The following PEBP4 variants were observed in gnomAD, a reference collection of about 807,000 sequenced individuals.
PEBP4 encodes phosphatidylethanolamine-binding protein 4.
PEBP4 carries 22 observed loss-of-function variants against 23.9 expected under a neutral mutation model. The observed-to-expected ratio is 0.92, with a 90% CI of 0.66 to 1.31. The LOEUF (loss-of-function observed/expected upper bound fraction) is 1.31, where lower values mean the gene tolerates loss of function less well. Among genes scored for constraint, PEBP4 ranks in the 40% most tolerant of loss-of-function variants. The pLI is 0.00. For missense variants in PEBP4, 324 were observed against 281.7 expected (o/e 1.15, Z -1.07); for synonymous variants, 112 against 99.3 (o/e 1.13, Z -0.76).
intron 4 of PEBP4, among the ~76,000 whole-genome samples, chr8:22,773,381 C>T (rs1457331035): frequency 6.6e-6 from 1 of 152,166 alleles, no homozygotes; most frequent in Non-Finnish European, 1.5e-5. Flanking sequence ...AGGCCACTTC[C>T]TGCAGGGCAC....
At chr8:22,904,591 G>A (rs903467653) in intron 3 of PEBP4, among the ~76,000 whole-genome samples, 1 of 152,078 alleles carries the variant, frequency 6.6e-6, no homozygotes, top group Non-Finnish European at 1.5e-5. Context: ...CAAGTGTAAA[G>A]GAGAAAATAA....
intron 4 of PEBP4, among the ~76,000 whole-genome samples, chr8:22,813,445 T>C (rs1354454219): frequency 2.6e-5 from 4 of 152,228 alleles, no homozygotes; most frequent in African/African-American, 9.6e-5. Context: ...AAAGTATTAA[T>C]ATACCATCTT....
intron 3 of PEBP4, among the ~76,000 whole-genome samples, chr8:22,818,482 G>A (rs998803652): frequency 6.6e-6 from 1 of 152,162 alleles, no homozygotes; most frequent in African/African-American, 2.4e-5. Flanking sequence ...GAGCACCATT[G>A]TGGCCAGGGA....
intron 1 of PEBP4, among the ~76,000 whole-genome samples, chr8:22,933,126 A>C (rs1308790787): frequency 6.6e-6 from 1 of 152,202 alleles, no homozygotes; most frequent in Non-Finnish European, 1.5e-5. Flanking sequence ...AAACTCAAAG[A>C]AGGAGAGCCA....
intron 2 of PEBP4, among the ~76,000 whole-genome samples, chr8:22,926,274 C>T (rs1452113941): frequency 2.0e-5 from 3 of 152,076 alleles, no homozygotes; most frequent in Admixed American, 1.3e-4. Context: ...CCGTGCCCAG[C>T]CTACACCCAG....
At chr8:22,908,741 G>A (rs1808869875) in intron 3 of PEBP4, among the ~76,000 whole-genome samples, 1 of 152,172 alleles carries the variant, frequency 6.6e-6, no homozygotes, top group Non-Finnish European at 1.5e-5. Context: ...CAGGAAGCCT[G>A]AGGGGAGGGG....
At chr8:22,821,635 CAAAAG>C (rs1282303885) in intron 3 of PEBP4, among the ~76,000 whole-genome samples, 3 of 151,952 alleles carry the variant, frequency 2.0e-5, no homozygotes, top group Non-Finnish European at 4.4e-5. Flanking sequence ...AGAGTGAAAA[CAAAAG>C]AAAGAGTGTG....
At chr8:22,772,440 T>C (rs1805734274) in intron 4 of PEBP4, among the ~76,000 whole-genome samples, 1 of 151,322 alleles carries the variant, frequency 6.6e-6, no homozygotes, top group South Asian at 2.1e-4. Flanking sequence ...TTTATTTAAT[T>C]AAATCCTCAC....
At chr8:22,718,580 C>A (rs975778715) in intron 6 of PEBP4, among the ~76,000 whole-genome samples, 9 of 152,200 alleles carry the variant, frequency 5.9e-5, no homozygotes, top group Admixed American at 3.9e-4. Context: ...ATGGCCCCAG[C>A]TGGGTGGCTG....
chr8:22,817,536 C>T (rs1806768819), intron 4 of PEBP4, 101 bp downstream of exon 4: 3 of 1,135,184 alleles, frequency 2.6e-6, no homozygotes, highest in East Asian at 2.4e-5. Flanking sequence ...CACAGAAGTC[C>T]TCGCTCCAAC....
At chr8:22,804,779 G>C (rs1295208365) in intron 4 of PEBP4, among the ~76,000 whole-genome samples, 2 of 152,036 alleles carry the variant, frequency 1.3e-5, no homozygotes, top group Admixed American at 1.3e-4. Context: ...CTAACAAACG[G>C]TTAGAACCTC....
At chr8:22,766,664 G>T (rs367675163) in intron 4 of PEBP4, among the ~76,000 whole-genome samples, 1 of 152,204 alleles carries the variant, frequency 6.6e-6, no homozygotes, top group Non-Finnish European at 1.5e-5. Context: ...GCATGCTGGC[G>T]TATCAGGGGC....
chr8:22,736,679 T>C lies in PEBP4; in HGVS notation c.358-9459A>G, dbSNP rs117052882. Among the ~76,000 whole-genome samples, 1,069 of 152,336 alleles carry C rather than the reference T, an allele frequency of 7.0e-3. 8 individuals carry two copies. The highest frequency in any genetic ancestry group is 0.031 in the Middle Eastern group (9 of 294). On this transcript the variant is annotated intron_variant, in intron 4 of 6. Transcript: ENST00000256404. ...AGTTTGTTGCTAAATGTGATTACTA[T>C]GCACTGATATCACTTTAAACTAAAG...
intron 3 of PEBP4, among the ~76,000 whole-genome samples, chr8:22,877,477 CAGCCAG>C (rs1808145591): frequency 6.6e-6 from 1 of 152,180 alleles, no homozygotes. Flanking sequence ...TGGGCAGAGC[CAGCCAG>C]AGCCAGGAGG....
intron 4 of PEBP4, among the ~76,000 whole-genome samples, chr8:22,811,495 G>A (rs1806627283): frequency 1.3e-5 from 2 of 152,230 alleles, no homozygotes; most frequent in African/African-American, 4.8e-5. Flanking sequence ...GTGGGACTGT[G>A]AGTGATAAGG....
intron 3 of PEBP4, among the ~76,000 whole-genome samples, chr8:22,909,688 A>G (rs1376543851): frequency 1.3e-5 from 2 of 152,174 alleles, no homozygotes; most frequent in Non-Finnish European, 2.9e-5. Flanking sequence ...GGTTAGGGGC[A>G]GGAGCTTTGG....
Position 22,927,851 on chromosome 8 carries a change from G to T in PEBP4, c.-35C>A. On this transcript the variant is annotated 5_prime_UTR_variant, in exon 1 of 7. Transcript: ENST00000256404. ...TGGTTAAGCACAGGGAGAAGGACAG[G>T]CAGCTTCCAGGGCTCCGCAGCTAAT... 1.9e-6 allele frequency: 2 copies of T among 1,067,342 alleles called. No homozygotes were observed. The highest frequency in any genetic ancestry group is 1.3e-6 in the Non-Finnish European group (1 of 748,630). The allele number at this position is 1,067,342 out of a possible 1,614,324, so 66.1% of individuals were successfully genotyped here.
At chr8:22,769,584 T>C (rs1467079343) in intron 4 of PEBP4, among the ~76,000 whole-genome samples, 1 of 152,132 alleles carries the variant, frequency 6.6e-6, no homozygotes, top group Non-Finnish European at 1.5e-5. Flanking sequence ...TAGAGAGGAA[T>C]AGAACAGGGC....
At chr8:22,844,765 C>G (rs1807394506) in intron 3 of PEBP4, among the ~76,000 whole-genome samples, 1 of 152,192 alleles carries the variant, frequency 6.6e-6, no homozygotes, top group Admixed American at 6.5e-5. Flanking sequence ...CTGCTTTGCC[C>G]CCAGCCAGAA....
Sources: gnomAD v4.1 joint callset for allele counts (sites outside exome capture counted in the v4.1 genomes callset) on GRCh38, gnomAD v4.1.1 for gene constraint, MANE v1.5 for transcripts, NCBI Gene and HGNC (gene_info 2026-07-23, HGNC 2026-07-21) for gene names.